Variants in CNTLN observed in about 807,000 individuals in gnomAD.
The protein encoded by CNTLN is centlein, also known as centlein, centrosomal protein.
In CNTLN, 212 loss-of-function variants were observed where a neutral mutation model predicts 180.0. The observed-to-expected ratio is 1.18, with a 90% CI of 1.05 to 1.32. The LOEUF is 1.32. Among genes scored for constraint, CNTLN ranks in the 40% most tolerant of loss-of-function variants. The pLI, the probability that CNTLN is intolerant of heterozygous loss-of-function variation, is 0.00. For missense variants in CNTLN, 2,095 were observed against 1,610.9 expected, an observed-to-expected ratio of 1.30 and a Z score of -5.14; for synonymous variants, 722 against 563.1, an observed-to-expected ratio of 1.28 and a Z score of -3.99.
At chr9:17,189,073 GTTT>G (rs1175101171) in intron 2 of CNTLN, among the ~76,000 whole-genome samples, 716 of 68,594 alleles carry the variant, frequency 0.01, 2 homozygotes, top group African/African-American at 0.03. Flanking sequence ...TTGGGACTTA[GTTT>G]TTTTTTTTTT....
At chr9:17,437,040 G>A (rs753209551) in intron 18 of CNTLN, among the ~76,000 whole-genome samples, 2 of 152,168 alleles carry the variant, frequency 1.3e-5, no homozygotes, top group South Asian at 2.1e-4. Context: ...TGATCTGTGC[G>A]TGACATAGCC....
intron 3 of CNTLN, among the ~76,000 whole-genome samples, chr9:17,226,508 A>G (rs1824475917): frequency 6.6e-6 from 1 of 151,934 alleles, no homozygotes; most frequent in South Asian, 2.1e-4. Context: ...CTCTTCATCT[A>G]ATGTTACAGT....
intron 2 of CNTLN, among the ~76,000 whole-genome samples, chr9:17,195,830 C>G (rs1361991559): frequency 6.6e-6 from 1 of 152,004 alleles, no homozygotes; most frequent in East Asian, 1.9e-4. Context: ...ATTTGTGGTA[C>G]TTATTAAATT....
At chr9:17,324,213 A>G (rs2133062395) in intron 8 of CNTLN, among the ~76,000 whole-genome samples, 1 of 152,306 alleles carries the variant, frequency 6.6e-6, no homozygotes, top group East Asian at 1.9e-4. Flanking sequence ...TATACCCCGA[A>G]GTCACATATT....
intron 6 of CNTLN, among the ~76,000 whole-genome samples, chr9:17,294,733 T>C (rs1817685941): frequency 7.7e-6 from 1 of 129,200 alleles, no homozygotes; most frequent in African/African-American, 3.0e-5. Flanking sequence ...GGGGCAGAGC[T>C]CGTCGGGGAG....
chr9:17,195,430 C>G (rs766056112), intron 2 of CNTLN, among the ~76,000 whole-genome samples: 10 of 151,900 alleles, frequency 6.6e-5, no homozygotes, highest in Non-Finnish European at 1.2e-4. Context: ...TGTTTTTTTC[C>G]TTTTTGATAT....
At chr9:17,294,332 G>T (rs1228437542) in intron 6 of CNTLN, among the ~76,000 whole-genome samples, 2 of 151,960 alleles carry the variant, frequency 1.3e-5, no homozygotes, top group Non-Finnish European at 2.9e-5. Context: ...TTTACAGAGA[G>T]CCGATTGGTT....
intron 23 of CNTLN, among the ~76,000 whole-genome samples, chr9:17,481,958 C>T (rs1313069366): frequency 1.1e-4 from 17 of 152,182 alleles, no homozygotes; most frequent in Admixed American, 1.1e-3. Context: ...ACTATTCCTG[C>T]TGAAGAAAAC....
At chr9:17,383,082 CTTTG>C (rs1324253922) in intron 13 of CNTLN, among the ~76,000 whole-genome samples, 4 of 151,884 alleles carry the variant, frequency 2.6e-5, no homozygotes, top group African/African-American at 4.8e-5. Context: ...TTTCTGTTCT[CTTTG>C]TTTGTACCCT....
At chr9:17,325,199 A>T (rs1669582601) in intron 8 of CNTLN, among the ~76,000 whole-genome samples, 1 of 133,028 alleles carries the variant, frequency 7.5e-6, no homozygotes. Flanking sequence ...TTTTTACAAG[A>T]ATATATGACT....
chr9:17,296,574 C>T (rs1817956164), intron 6 of CNTLN, among the ~76,000 whole-genome samples: 1 of 151,838 alleles, frequency 6.6e-6, no homozygotes, highest in Non-Finnish European at 1.5e-5. Context: ...TTTCTCCTGC[C>T]CTGTTGCGTA....
chr9:17,323,497 A>G (rs1397470819), intron 8 of CNTLN, among the ~76,000 whole-genome samples: 1 of 152,210 alleles, frequency 6.6e-6, no homozygotes. Flanking sequence ...TTCTTGCTGC[A>G]TCTTACTATG....
At chr9:17,253,148 C>T (rs947119014) in intron 5 of CNTLN, among the ~76,000 whole-genome samples, 10 of 151,690 alleles carry the variant, frequency 6.6e-5, no homozygotes, top group Non-Finnish European at 1.5e-4. Flanking sequence ...TTTATACCAA[C>T]ACCATGCTGT....
chr9:17,205,536 C>G (rs1822855071), intron 2 of CNTLN, among the ~76,000 whole-genome samples: 1 of 152,134 alleles, frequency 6.6e-6, no homozygotes, highest in African/African-American at 2.4e-5. Context: ...TGACTTGGGT[C>G]ATGAGTTCCC....
chr9:17,290,779 C>CT lies in CNTLN; in HGVS notation c.984-7411_984-7410insT, dbSNP rs540988830. 5.3e-3 allele frequency among the ~76,000 whole-genome samples: 803 copies of CT among 151,870 alleles called. 6 individuals carry two copies. Among genetic ancestry groups the CT allele is most frequent in the African/African-American group, 0.017 (694 of 41,416 alleles). On this transcript the variant is annotated intron_variant, in intron 6 of 25. Coordinates refer to ENST00000380647, the MANE Select transcript of CNTLN (RefSeq NM_017738.4). ...TGGGAGTGACCCGATTTTCCAGGTG[C>CT]GTCTGTCACCCCTTTCTTTGACTCG...
intron 15 of CNTLN, among the ~76,000 whole-genome samples, chr9:17,396,227 A>G (rs113001601): frequency 0.012 from 1,801 of 152,310 alleles, 38 homozygotes; most frequent in African/African-American, 0.041. Context: ...TGTCTATGGA[A>G]TAGCCATTCT....
At chr9:17,303,655 T>C (rs116372505) in intron 7 of CNTLN, among the ~76,000 whole-genome samples, 3,636 of 152,288 alleles carry the variant, frequency 0.024, 176 homozygotes, top group African/African-American at 0.083. Flanking sequence ...GTTCATACTT[T>C]AGTGTTCATT....
chr9:17,175,703 C>G (rs995451469), intron 2 of CNTLN, among the ~76,000 whole-genome samples: 1 of 151,926 alleles, frequency 6.6e-6, no homozygotes. Flanking sequence ...TGAGTTGAAC[C>G]TAGATATCAA....
chr9:17,149,350 G>A (rs1818678630), intron 2 of CNTLN, among the ~76,000 whole-genome samples: 1 of 151,962 alleles, frequency 6.6e-6, no homozygotes, highest in Non-Finnish European at 1.5e-5. Flanking sequence ...GGATTGCTGG[G>A]CCAAATGGTA....
Sources: allele counts gnomAD v4.1 joint callset (sites outside exome capture counted in the v4.1 genomes callset), GRCh38; gene constraint gnomAD v4.1.1; transcripts MANE v1.5; gene names NCBI Gene and HGNC (gene_info 2026-07-23, HGNC 2026-07-21).